The following TUSC3 variants were observed in gnomAD, a reference collection of about 807,000 sequenced individuals.
The protein encoded by TUSC3 is dolichyl-diphosphooligosaccharide--protein glycosyltransferase subunit TUSC3.
In TUSC3, 45 loss-of-function variants were observed where a neutral mutation model predicts 44.8. That is an observed-to-expected ratio of 1.00 (90% CI 0.79 to 1.29). TUSC3 has a LOEUF of 1.29. Among genes scored for constraint, TUSC3 ranks in the 50% most tolerant of loss-of-function variants. TUSC3 has a pLI of 0.00. For synonymous variants in TUSC3, 212 were observed against 152.9 expected (o/e 1.39, Z -2.85); for missense variants, 519 against 437.9 (o/e 1.19, Z -1.65).
intron 1 of TUSC3, among the ~76,000 whole-genome samples, chr8:15,562,906 T>G (rs1245235635): frequency 6.6e-6 from 1 of 152,136 alleles, no homozygotes. Context: ...AGTTAATAGA[T>G]TAGAGACCTT....
intron 1 of TUSC3, among the ~76,000 whole-genome samples, chr8:15,574,330 A>C (rs1168442048): frequency 2.0e-5 from 3 of 152,168 alleles, no homozygotes; most frequent in African/African-American, 7.2e-5. Flanking sequence ...ATAAATAAAT[A>C]TGATGAGTAT....
chr8:15,679,085 T>G (rs1324147975), intron 6 of TUSC3, among the ~76,000 whole-genome samples: 1 of 152,188 alleles, frequency 6.6e-6, no homozygotes, highest in Non-Finnish European at 1.5e-5. Context: ...ATGTGTCTTT[T>G]TGGTAGAACT....
chr8:15,539,187 G>T (rs988887868), upstream of TUSC3, among the ~76,000 whole-genome samples: 5 of 151,790 alleles, frequency 3.3e-5, no homozygotes, highest in African/African-American at 9.7e-5. Context: ...AGAAATATGT[G>T]CTATTTTAAG....
At chr8:15,756,036 C>CCTAA (rs1811915139) in intron 9 of TUSC3, among the ~76,000 whole-genome samples, 1 of 152,116 alleles carries the variant, frequency 6.6e-6, no homozygotes, top group African/African-American at 2.4e-5. Flanking sequence ...CACTTTGCTT[C>CCTAA]CTAACTGTTC....
At chr8:15,741,160 C>T (rs565644462) in intron 7 of TUSC3, among the ~76,000 whole-genome samples, 1 of 151,876 alleles carries the variant, frequency 6.6e-6, no homozygotes, top group Admixed American at 6.6e-5. Context: ...TGTTTGTGTA[C>T]ATGTGCATTT....
chr8:15,530,866 T>C (rs1031751812), intron 2 of TUSC3, among the ~76,000 whole-genome samples: 1 of 152,194 alleles, frequency 6.6e-6, no homozygotes, highest in Admixed American at 6.5e-5. Flanking sequence ...GAGAAAGAAC[T>C]GAGCAGCTCC....
chr8:15,738,188 G>A (rs191183110), intron 7 of TUSC3, among the ~76,000 whole-genome samples: 1 of 152,128 alleles, frequency 6.6e-6, no homozygotes, highest in East Asian at 1.9e-4. Flanking sequence ...TACTGACCCC[G>A]CTGATTTCTA....
the TUSC3 span, among the ~76,000 whole-genome samples, chr8:15,803,591 ACGTG>A: frequency 6.6e-6 from 1 of 152,204 alleles, no homozygotes; most frequent in African/African-American, 2.4e-5. Context: ...CACGTGCTGA[ACGTG>A]CAGGTTTGTT....
chr8:15,733,968 C>G (rs180773307), intron 7 of TUSC3, among the ~76,000 whole-genome samples: 1 of 152,060 alleles, frequency 6.6e-6, no homozygotes, highest in Non-Finnish European at 1.5e-5. Context: ...CACTTGAGCC[C>G]GGGAGGTCAA....
At chr8:15,778,111 AC>A in the TUSC3 span, among the ~76,000 whole-genome samples, 66 of 103,740 alleles carry the variant, frequency 6.4e-4, no homozygotes, top group African/African-American at 2.0e-3. Context: ...AAAAAAAAAA[AC>A]AAAAAACCAA....
intron 1 of TUSC3, among the ~76,000 whole-genome samples, chr8:15,434,063 G>C (rs1015161931): frequency 2.0e-5 from 3 of 152,108 alleles, no homozygotes. Context: ...TTTCCGTTTT[G>C]TAGTCTCAAT....
chr8:15,513,297 A>G (rs1801167455), intron 2 of TUSC3, among the ~76,000 whole-genome samples: 3 of 152,130 alleles, frequency 2.0e-5, no homozygotes, highest in Admixed American at 2.0e-4. Context: ...GTCATGGGTA[A>G]AAAAAACTTA....
the TUSC3 span, among the ~76,000 whole-genome samples, chr8:15,772,596 G>A: frequency 6.6e-6 from 1 of 152,126 alleles, no homozygotes; most frequent in African/African-American, 2.4e-5. Flanking sequence ...TTTAAAGAAT[G>A]AACACAATCT....
rs1812263909 is a variant in TUSC3 at position 15,764,225 on chromosome 8, G to A, written c.*69G>A. On this transcript the variant is annotated 3_prime_UTR_variant, in exon 11 of 11. Transcript: ENST00000503731. Reference sequence around the variant, plus strand: ...CAGCTTTTTAATTAAATGAAGCCAAGTGGGATTTGCATAAAGTGAATGTTT... The same window carrying A: ...CAGCTTTTTAATTAAATGAAGCCAAATGGGATTTGCATAAAGTGAATGTTT... 1.9e-6 allele frequency: 3 copies of A among 1,606,728 alleles called. No homozygotes were observed. Among genetic ancestry groups the A allele is most frequent in the South Asian group, 2.2e-5 (2 of 90,888 alleles).
intron 10 of TUSC3, 61 bp from the exon 11 acceptor site, chr8:15,764,142 A>G: frequency 7.0e-7 from 1 of 1,437,882 alleles, no homozygotes; most frequent in Non-Finnish European, 9.7e-7. Context: ...TGGAATAACA[A>G]ACATATTGTA....
chr8:15,739,089 C>G (rs548632380), intron 7 of TUSC3, among the ~76,000 whole-genome samples: 1 of 151,992 alleles, frequency 6.6e-6, no homozygotes, highest in African/African-American at 2.4e-5. Flanking sequence ...CCTCAGCTTC[C>G]CAAAATGCTG....
intron 2 of TUSC3, among the ~76,000 whole-genome samples, chr8:15,500,598 A>T (rs1800947203): frequency 6.6e-6 from 1 of 152,216 alleles, no homozygotes; most frequent in African/African-American, 2.4e-5. Context: ...ATTGAAAATG[A>T]TGTAGGCACC....
At chr8:15,532,072 T>A (rs1801458252) in intron 2 of TUSC3, among the ~76,000 whole-genome samples, 1 of 152,214 alleles carries the variant, frequency 6.6e-6, no homozygotes. Context: ...TTTGTGTGTA[T>A]ATATGTCAAA....
chr8:15,798,024 C>G, the TUSC3 span, among the ~76,000 whole-genome samples: 1 of 152,160 alleles, frequency 6.6e-6, no homozygotes, highest in Non-Finnish European at 1.5e-5. Context: ...AGATGCTATA[C>G]TATGTCCGAT....
Sources: allele counts gnomAD v4.1 joint callset (sites outside exome capture counted in the v4.1 genomes callset), GRCh38; gene constraint gnomAD v4.1.1; transcripts MANE v1.5; gene names NCBI Gene and HGNC (gene_info 2026-07-23, HGNC 2026-07-21).